Variants in NACC1 observed in about 807,000 individuals in gnomAD.
NACC1 encodes nucleus accumbens associated 1, also known as nucleus accumbens-associated protein 1.
In NACC1, 6 loss-of-function variants were observed where a neutral mutation model predicts 41.7. That is an observed-to-expected ratio of 0.14 (90% CI 0.08 to 0.28). The LOEUF (loss-of-function observed/expected upper bound fraction) is 0.28. Among genes scored for constraint, NACC1 ranks in the 10% least tolerant of loss-of-function variants. The pLI, the probability that NACC1 is intolerant of heterozygous loss-of-function variation, is 1.00. For synonymous variants in NACC1, 338 were observed against 330.6 expected (o/e 1.02, Z -0.24); for missense variants, 434 against 763.7 (o/e 0.57, Z 5.09).
At position 13,135,197 on chromosome 19, in the gene NACC1, C is replaced by A; in HGVS notation, c.-8-3C>A. The A allele has an allele frequency of 1.3e-6, 2 of 1,559,192 alleles. No individual in the cohort carries two copies. Among genetic ancestry groups the A allele is most frequent in the Non-Finnish European group, 1.7e-6 (2 of 1,151,954 alleles). The stretch of plus-strand genomic sequence containing the variant: ...TCTCCATTCCTCCCTGCCCCTCGTG[C>A]AGCCGCTGCCATGGCCCAGACACTG... On this transcript the variant is annotated splice_region_variant and splice_polypyrimidine_tract_variant and intron_variant, in intron 1 of 5. Transcript: ENST00000292431.
upstream of NACC1, chr19:13,117,013 G>A (rs190695021): frequency 2.0e-4 from 30 of 153,460 alleles, no homozygotes; most frequent in African/African-American, 7.0e-4. Flanking sequence ...AGAGCACCCT[G>A]CAGGAATGAC....
intron 1 of NACC1, among the ~76,000 whole-genome samples, chr19:13,129,475 G>C (rs2019604608): frequency 6.6e-6 from 1 of 152,140 alleles, no homozygotes; most frequent in African/African-American, 2.4e-5. Context: ...GAGGGATGGA[G>C]GGGTTCCCAG....
Position 13,135,443 on chromosome 19 carries a change from A to G in NACC1, c.236A>G (p.Gln79Arg). 2 of 1,613,102 alleles carry G rather than the reference A, an allele frequency of 1.2e-6. No homozygotes were observed. The highest frequency in any genetic ancestry group is 1.3e-5 in the African/African-American group (1 of 75,044). ...LPAAVQPQSF[Q>R]QILSFCYTGR... Reference sequence around the variant, plus strand: ...GCGGCTGTGCAGCCCCAGTCTTTCCAGCAGATCCTCAGCTTCTGCTACACG... The same window carrying G: ...GCGGCTGTGCAGCCCCAGTCTTTCCGGCAGATCCTCAGCTTCTGCTACACG... The change falls in exon 2 of 6, where the codon CAG becomes CGG. Residue 79 changes from glutamine (Q) to arginine (R), a missense_variant. This residue lies in a region of NACC1 where 67 missense variants were observed against 180.1 expected (regional missense o/e 0.37). Transcript: ENST00000292431.
rs1025649825 is a variant in NACC1, at chr19:13,137,894, G to A, written c.1325-253G>A. Among the ~76,000 whole-genome samples the A allele has an allele frequency of 6.6e-6, 1 of 152,202 alleles. No individual in the cohort carries two copies. The highest frequency in any genetic ancestry group is 1.5e-5 in the Non-Finnish European group (1 of 68,036). ...CTAGATTTTCAAGTGACCACTCCCC[G>A]TTACTAAATTCTGGCAAATGATCCG... is the stretch of plus-strand genomic sequence containing the variant. On this transcript the variant is annotated intron_variant, in intron 5 of 5. Transcript: ENST00000292431. The surrounding 1 kb of genome is among the most constrained non-coding windows in gnomAD (Gnocchi z 6.1).
chr19:13,135,134 C>A, intron 1 of NACC1, 66 bp from the exon 2 acceptor site: 1 of 1,463,684 alleles, frequency 6.8e-7, no homozygotes, highest in Non-Finnish European at 9.0e-7. Context: ...AGGCCAGCAC[C>A]CACATTTGCC....
Position 13,137,444 on chromosome 19 carries a change from G to A in NACC1, c.1227-34G>A. 2 of 1,610,294 alleles carry A rather than the reference G, an allele frequency of 1.2e-6. No homozygotes were observed. The highest frequency in any genetic ancestry group is 1.1e-5 in the South Asian group (1 of 90,838). Reference sequence around the variant, plus strand: ...CCCATGTCCCCCCCACCACCAACTTGAGCGCTGACTCCCTCCATGTCCCCT... The same window carrying A: ...CCCATGTCCCCCCCACCACCAACTTAAGCGCTGACTCCCTCCATGTCCCCT... On this transcript the variant is annotated intron_variant, in intron 4 of 5. Transcript: ENST00000292431. This position sits in a 1 kb window ranked among gnomAD's most constrained non-coding sequence, Gnocchi z 6.1.
chr19:13,124,896 T>C (rs1405236433), intron 1 of NACC1, among the ~76,000 whole-genome samples: 2 of 151,576 alleles, frequency 1.3e-5, no homozygotes, highest in Non-Finnish European at 2.9e-5. Context: ...CTGGGCAACA[T>C]AGTGAGACCT....
chr19:13,131,090 T>C (rs1314432869), intron 1 of NACC1, among the ~76,000 whole-genome samples: 2 of 152,146 alleles, frequency 1.3e-5, no homozygotes, highest in East Asian at 3.9e-4. Flanking sequence ...TCTGCTTGGT[T>C]GACATACCCA....
Position 13,137,803 on chromosome 19 carries a change from G to T in NACC1, c.1324+228G>T, listed in dbSNP as rs1023343019. Among the ~76,000 whole-genome samples, 1 of 152,188 alleles carries T rather than the reference G, an allele frequency of 6.6e-6. No individual in the cohort carries two copies. Among genetic ancestry groups the T allele is most frequent in the Non-Finnish European group, 1.5e-5 (1 of 68,042 alleles). On this transcript the variant is annotated intron_variant, in intron 5 of 5. Transcript: ENST00000292431. This position sits in a 1 kb window ranked among gnomAD's most constrained non-coding sequence, Gnocchi z 6.1. ...AGCCTGTGTCAGGCAGGAGGGTCTCGAACTCAGGGCAGTCTGGGAGGGATG... is the reference window on the plus strand; with the variant it reads ...AGCCTGTGTCAGGCAGGAGGGTCTCTAACTCAGGGCAGTCTGGGAGGGATG...
intron 1 of NACC1, among the ~76,000 whole-genome samples, chr19:13,124,325 A>G (rs1398641843): frequency 6.6e-6 from 1 of 152,104 alleles, no homozygotes; most frequent in African/African-American, 2.4e-5. Context: ...GCTTGAACCC[A>G]GGAGGCGGAG....
In NACC1 at chr19:13,135,815, T is replaced by C; in HGVS notation, c.608T>C (p.Met203Thr). The C allele has an allele frequency of 6.4e-7, 1 of 1,554,572 alleles. No individual in the cohort carries two copies. Among genetic ancestry groups the C allele is most frequent in the Non-Finnish European group, 8.7e-7 (1 of 1,151,096 alleles). ...GGCGGCGGCAATGGCAGCCGCAAGATGGCCAAGTTCTCCACGCCGGACCTG... is the reference window on the plus strand; with the variant it reads ...GGCGGCGGCAATGGCAGCCGCAAGACGGCCAAGTTCTCCACGCCGGACCTG... ...AGGGGNGSRK[M>T]AKFSTPDLAA... The change falls in exon 2 of 6, where the codon ATG (methionine) becomes ACG (threonine). Residue 203 changes from methionine (M) to threonine (T), a missense_variant. Physicochemically the swap from Met to Thr is moderately conservative, Grantham distance 81. Coordinates refer to ENST00000292431, the MANE Select transcript of NACC1 (RefSeq NM_052876.4).
intron 1 of NACC1, among the ~76,000 whole-genome samples, chr19:13,131,051 A>G (rs1350771935): frequency 3.3e-5 from 5 of 152,048 alleles, no homozygotes; most frequent in East Asian, 3.9e-4. Flanking sequence ...CAGTTGCTCA[A>G]CCTTTTATGG....
chr19:13,127,371 CTTTTTTTTTTTTT>C lies in NACC1; in HGVS notation c.-8-7812_-8-7800del, dbSNP rs147514422. Reference sequence around the variant, plus strand: ...AAAAAAAAGCATACATATACATATACTTTTTTTTTTTTTTTTTTTTTTTTTTTTTCGGTTAACT... The same window carrying C: ...AAAAAAAAGCATACATATACATATACTTTTTTTTTTTTTTTTCGGTTAACT... On this transcript the variant is annotated intron_variant, in intron 1 of 5. Transcript: ENST00000292431. Among the ~76,000 whole-genome samples, 165 of 28,518 alleles carry C rather than the reference CTTTTTTTTTTTTT, an allele frequency of 5.8e-3. 1 individual carries two copies. Among genetic ancestry groups the C allele is most frequent in the African/African-American group, 0.019 (144 of 7,782 alleles). 18.7% of individuals were successfully genotyped at this position (28,518 alleles called of 152,430 possible).
chr19:13,134,146 G>A (rs947605320), intron 1 of NACC1, among the ~76,000 whole-genome samples: 1 of 151,952 alleles, frequency 6.6e-6, no homozygotes, highest in Non-Finnish European at 1.5e-5. Context: ...GCCTTGACCT[G>A]GGCTCAACAA....
At chr19:13,134,660 C>T (rs770313238) in intron 1 of NACC1, among the ~76,000 whole-genome samples, 11 of 152,180 alleles carry the variant, frequency 7.2e-5, no homozygotes, top group Non-Finnish European at 1.5e-4. Flanking sequence ...TGAGCCACTG[C>T]GCCTGACCTC....
At chr19:13,124,349 G>A (rs772840471) in intron 1 of NACC1, among the ~76,000 whole-genome samples, 13 of 152,058 alleles carry the variant, frequency 8.5e-5, no homozygotes, top group Non-Finnish European at 1.3e-4. Flanking sequence ...GCAGTTAGCC[G>A]AAATCACGCC....
At position 13,138,562 on chromosome 19, in the gene NACC1, C is replaced by T. The variant is rs1282909060; in HGVS notation, c.*156C>T. On this transcript the variant is annotated 3_prime_UTR_variant, in exon 6 of 6. Transcript: ENST00000292431. This position sits in a 1 kb window ranked among gnomAD's most constrained non-coding sequence, Gnocchi z 5.7. ...CCCCTCCTGTCCTACCCCCTTTCCC[C>T]ACCGAGAGCTGGGCCGGGAGAGGAC... is the stretch of plus-strand genomic sequence containing the variant. 2 of 1,153,682 alleles carry T rather than the reference C, an allele frequency of 1.7e-6. No individual in the cohort carries two copies. The highest frequency in any genetic ancestry group is 1.5e-5 in the African/African-American group (1 of 64,950). The allele number at this position is 1,153,682 out of a possible 1,614,324, so 71.5% of individuals were successfully genotyped here.
rs544079071 is a variant in NACC1, at chr19:13,137,278, C to T, written c.1128C>T (p.Asn376=). ...SEKLELVTGT[N]VYITRAQLMN... is the part of the protein sequence containing the mutation. ...CCGGCTTCCTCTCACCAGGCACCAA[C>T]GTGTACATCACAAGGGCGCAGCTGA... The change falls in exon 4 of 6, where the codon AAC becomes AAT. Residue 376 remains asparagine (N), a synonymous_variant. Transcript: ENST00000292431. This position sits in a 1 kb window ranked among gnomAD's most constrained non-coding sequence, Gnocchi z 6.1. 2.9e-5 allele frequency: 46 copies of T among 1,613,458 alleles called. No homozygotes were observed. Among genetic ancestry groups the T allele is most frequent in the Non-Finnish European group, 3.6e-5 (43 of 1,179,834 alleles).
chr19:13,119,918 G>C (rs975745465), intron 1 of NACC1, among the ~76,000 whole-genome samples: 6 of 152,174 alleles, frequency 3.9e-5, no homozygotes, highest in Non-Finnish European at 7.3e-5. Flanking sequence ...GCTCGGGGTG[G>C]TGTGGCTTGT....
Sources: gnomAD v4.1 joint callset for allele counts (sites outside exome capture counted in the v4.1 genomes callset) on GRCh38, gnomAD v4.1.1 for gene constraint, gnomAD v4.1.1 regional missense constraint, Gnocchi (gnomAD v3.1) non-coding constraint, MANE v1.5 for transcripts, NCBI Gene and HGNC (gene_info 2026-07-23, HGNC 2026-07-21) for gene names.